DYNC1LI1: variants seen among roughly 807,000 people sequenced by gnomAD.
The protein encoded by DYNC1LI1 is dynein cytoplasmic 1 light intermediate chain 1, also known as cytoplasmic dynein 1 light intermediate chain 1.
Under a neutral mutation model 63.8 loss-of-function variants are expected in DYNC1LI1, and 19 were observed. The ratio of observed to expected loss-of-function variants is 0.30; its 90% CI spans 0.21 to 0.44. The LOEUF (loss-of-function observed/expected upper bound fraction) is 0.44. DYNC1LI1 is among the 20% of genes least tolerant of loss of function. The pLI, the probability that DYNC1LI1 is intolerant of heterozygous loss-of-function variation, is 1.00. For synonymous variants in DYNC1LI1, 225 were observed against 232.3 expected (o/e 0.97, Z 0.28); for missense variants, 565 against 630.2 (o/e 0.90, Z 1.11).
At chr3:32,534,790 T>C (rs939580689) in intron 6 of DYNC1LI1, 144 bp from the exon 7 acceptor site, 1 of 530,692 alleles carries the variant, frequency 1.9e-6, no homozygotes, top group African/African-American at 2.0e-5. Context: ...AATCAAGAAC[T>C]TCAAAAGTAA....
intron 6 of DYNC1LI1, among the ~76,000 whole-genome samples, chr3:32,536,458 T>C (rs1180434286): frequency 6.6e-6 from 1 of 152,206 alleles, no homozygotes; most frequent in Non-Finnish European, 1.5e-5. Context: ...CTGGCTCACC[T>C]AATCCTTGCA....
intron 2 of DYNC1LI1, chr3:32,570,128 G>A: frequency 2.9e-6 from 2 of 685,016 alleles, no homozygotes; most frequent in Admixed American, 2.1e-5. Flanking sequence ...TACCGGGGAG[G>A]AGGAGGAGGA....
rs533725724 is a variant in DYNC1LI1, at chr3:32,570,086, T to C, written c.220+260A>G. 195 of 618,602 alleles carry C rather than the reference T, an allele frequency of 3.2e-4. No homozygotes were observed. In the African/African-American group the frequency reaches 3.2e-3, roughly 10 times the overall value. The allele number at this position is 618,602 out of a possible 1,614,324, so 38.3% of individuals were successfully genotyped here. On this transcript the variant is annotated intron_variant, in intron 2 of 12. Transcript: ENST00000273130. The stretch of plus-strand genomic sequence containing the variant: ...CAGATGAGCGATCGAATTCTGTCCT[T>C]CCCAGGGGAAGCTGTCAGGGCCACC...
intron 2 of DYNC1LI1, among the ~76,000 whole-genome samples, chr3:32,553,826 G>T (rs1698076227): frequency 6.6e-6 from 1 of 152,220 alleles, no homozygotes; most frequent in African/African-American, 2.4e-5. Context: ...AAATGACAGA[G>T]CCAGGTCTGG....
At chr3:32,568,116 G>C (rs1373372013) in intron 2 of DYNC1LI1, among the ~76,000 whole-genome samples, 1 of 152,144 alleles carries the variant, frequency 6.6e-6, no homozygotes, top group Non-Finnish European at 1.5e-5. Context: ...GATTACAGGC[G>C]TGGGCCACTG....
chr3:32,545,671 T>C (rs1300601385), intron 3 of DYNC1LI1, 178 bp downstream of exon 3: 4 of 614,168 alleles, frequency 6.5e-6, no homozygotes, highest in Non-Finnish European at 1.1e-5. Context: ...AAAAGTATCA[T>C]ATATGAATCC....
At chr3:32,570,447 G>A (rs1559447329) in intron 1 of DYNC1LI1, 28 bp from the exon 2 acceptor site, 1 of 1,562,230 alleles carries the variant, frequency 6.4e-7, no homozygotes, top group Non-Finnish European at 8.7e-7. Flanking sequence ...GTACGGTGAG[G>A]CCGGAGGCCG....
intron 4 of DYNC1LI1, among the ~76,000 whole-genome samples, chr3:32,541,734 A>C (rs1302127093): frequency 2.6e-5 from 4 of 152,170 alleles, no homozygotes; most frequent in Non-Finnish European, 5.9e-5. Context: ...AGTTTTTAGG[A>C]GTTATTTGCA....
intron 2 of DYNC1LI1, among the ~76,000 whole-genome samples, chr3:32,561,831 TAAAC>T (rs372198441): frequency 8.0e-5 from 12 of 149,550 alleles, no homozygotes; most frequent in Middle Eastern, 3.5e-3. Flanking sequence ...ATTCAGTCAA[TAAAC>T]AAAGCCGTAT....
chr3:32,557,470 C>T (rs1002260486), intron 2 of DYNC1LI1, among the ~76,000 whole-genome samples: 3 of 151,548 alleles, frequency 2.0e-5, no homozygotes, highest in South Asian at 2.1e-4. Context: ...TGCAGTGAGT[C>T]GAAATCGCAC....
intron 1 of DYNC1LI1, 96 bp downstream of exon 1, chr3:32,570,529 G>C (rs940308777): frequency 6.7e-7 from 1 of 1,489,436 alleles, no homozygotes; most frequent in East Asian, 2.8e-5. Context: ...CGCAGTGGCC[G>C]GGCCCGGCGC....
chr3:32,569,600 G>A (rs1194049391), intron 2 of DYNC1LI1, among the ~76,000 whole-genome samples: 1 of 152,104 alleles, frequency 6.6e-6, no homozygotes, highest in African/African-American at 2.4e-5. Context: ...TGATTCAGGA[G>A]CTAAGCCTAG....
At chr3:32,567,990 G>C (rs905854477) in intron 2 of DYNC1LI1, among the ~76,000 whole-genome samples, 2 of 151,964 alleles carry the variant, frequency 1.3e-5, no homozygotes, top group Admixed American at 1.3e-4. Context: ...GGCAGGAGCT[G>C]CCGTGCCAGG....
Position 32,562,700 on chromosome 3 carries a change from T to C in DYNC1LI1, c.220+7646A>G, listed in dbSNP as rs796203328. On this transcript the variant is annotated intron_variant, in intron 2 of 12. Coordinates refer to ENST00000273130, the MANE Select transcript of DYNC1LI1 (RefSeq NM_016141.4). ...CATGCATTACTTTCATAATTTAAAA[T>C]AGTGATTTCCAATTTTGAGAGGAAA... Among the ~76,000 whole-genome samples, 13 of 152,318 alleles carry C rather than the reference T, an allele frequency of 8.5e-5. 1 individual carries two copies. Among genetic ancestry groups the C allele is most frequent in the African/African-American group, 2.9e-4 (12 of 41,580 alleles).
At chr3:32,561,031 A>AAT (rs1698185876) in intron 2 of DYNC1LI1, among the ~76,000 whole-genome samples, 1 of 123,366 alleles carries the variant, frequency 8.1e-6, no homozygotes, top group African/African-American at 3.4e-5. Flanking sequence ...AAAAAAAAAA[A>AAT]AACAAACAAA....
intron 2 of DYNC1LI1, among the ~76,000 whole-genome samples, chr3:32,551,455 C>A (rs1039406677): frequency 2.6e-5 from 4 of 152,164 alleles, no homozygotes; most frequent in Non-Finnish European, 4.4e-5. Flanking sequence ...GAGGCCAGAT[C>A]ATGAAAGGCA....
intron 2 of DYNC1LI1, among the ~76,000 whole-genome samples, chr3:32,563,160 C>T (rs907681199): frequency 1.3e-5 from 2 of 151,942 alleles, no homozygotes; most frequent in African/African-American, 4.8e-5. Flanking sequence ...TTATACATGA[C>T]ATGTCTCTAA....
chr3:32,544,042 G>A (rs999518127), intron 4 of DYNC1LI1, among the ~76,000 whole-genome samples: 1 of 151,944 alleles, frequency 6.6e-6, no homozygotes, highest in South Asian at 2.1e-4. Flanking sequence ...CTTCAGCCTG[G>A]GCAACAGTGT....
Position 32,557,296 on chromosome 3 carries a change from A to AC in DYNC1LI1, c.221-11332dup, listed in dbSNP as rs539523648. Among the ~76,000 whole-genome samples, 675 of 152,206 alleles carry AC rather than the reference A, an allele frequency of 4.4e-3. 5 individuals are homozygous for AC. Among genetic ancestry groups the AC allele is most frequent in the African/African-American group, 0.016 (650 of 41,544 alleles). Reference sequence around the variant, plus strand: ...TCTGGGAGGCTGAGGTGGGTGGATCACCTGAGGTCAGGAGTTTGAGACCAG... The same window carrying AC: ...TCTGGGAGGCTGAGGTGGGTGGATCACCCTGAGGTCAGGAGTTTGAGACCAG... On this transcript the variant is annotated intron_variant, in intron 2 of 12. Transcript: ENST00000273130.
Sources: gnomAD v4.1 joint callset for allele counts (sites outside exome capture counted in the v4.1 genomes callset) on GRCh38, gnomAD v4.1.1 for gene constraint, MANE v1.5 for transcripts, NCBI Gene and HGNC (gene_info 2026-07-23, HGNC 2026-07-21) for gene names.